The following ACMSD variants were observed in gnomAD, a reference collection of about 807,000 sequenced individuals.
ACMSD encodes the protein 2-amino-3-carboxymuconate-6-semialdehyde decarboxylase.
Under a neutral mutation model 45.9 loss-of-function variants are expected in ACMSD, and 37 were observed. That is an observed-to-expected ratio of 0.81 (90% CI 0.62 to 1.06). The LOEUF (loss-of-function observed/expected upper bound fraction) is 1.06, where lower values mean the gene tolerates loss of function less well. Ranked by LOEUF, ACMSD falls within the 50% of genes least tolerant of loss-of-function variation. The pLI is 0.00. For synonymous variants in ACMSD, 138 were observed against 148.8 expected (o/e 0.93, Z 0.53); for missense variants, 434 against 420.9 (o/e 1.03, Z -0.27).
rs770249173 is a variant in ACMSD at position 134,872,456 on chromosome 2, GT to G, written c.677-9del. 1 of 1,613,964 alleles carries G rather than the reference GT, an allele frequency of 6.2e-7. No individual in the cohort carries two copies. Among genetic ancestry groups the G allele is most frequent in the Non-Finnish European group, 8.5e-7 (1 of 1,180,010 alleles). ...ATCAACACTAGCCCCTCAGTAATGG[GT>G]TTTACTTGCAGGTGGTGCCTTCCCC... On this transcript the variant is annotated splice_polypyrimidine_tract_variant and intron_variant, in intron 7 of 9. Coordinates refer to ENST00000356140, the MANE Select transcript of ACMSD (RefSeq NM_138326.3).
intron 1 of ACMSD, among the ~76,000 whole-genome samples, chr2:134,840,157 C>A (rs1686716339): frequency 2.4e-5 from 1 of 42,136 alleles, no homozygotes; most frequent in Non-Finnish European, 3.9e-5. Flanking sequence ...TAGCCATAAA[C>A]TATACCTAGC....
intron 8 of ACMSD, among the ~76,000 whole-genome samples, chr2:134,873,813 G>C (rs1251098548): frequency 1.3e-5 from 2 of 152,158 alleles, no homozygotes; most frequent in African/African-American, 4.8e-5. Flanking sequence ...TGGTTTGGAT[G>C]GAGAGTGATG....
rs916242044 is a variant in ACMSD, at chr2:134,885,645, C to G, written c.850-12696C>G. On this transcript the variant is annotated intron_variant, in intron 8 of 9. Coordinates refer to ENST00000356140, the MANE Select transcript of ACMSD (RefSeq NM_138326.3). ...TGCTCAAAAGTCCAATTCAAAGAAT[C>G]CTTCTTACAAACACATTTTATAGAG... Among the ~76,000 whole-genome samples the G allele has an allele frequency of 2.0e-5, 3 of 150,686 alleles. No homozygotes were observed. The South Asian group carries it at 6.3e-4, about 31-fold the overall frequency.
Position 134,847,451 on chromosome 2 carries a change from TAGATAG to T in ACMSD, c.102+2188_102+2193del, listed in dbSNP as rs1281893764. Among the ~76,000 whole-genome samples, 446 of 143,954 alleles carry T rather than the reference TAGATAG, an allele frequency of 3.1e-3. 3 individuals are homozygous for T. The highest frequency in any genetic ancestry group is 0.011 in the Middle Eastern group (3 of 282). The allele number at this position is 143,954 out of a possible 152,430, so 94.4% of individuals were successfully genotyped here. ...AGATAGATAGATAGATAGATAGATATAGATAGAGATAGAGATAGATATATATACTTT... is the reference window on the plus strand; with the variant it reads ...AGATAGATAGATAGATAGATAGATATAGATAGAGATAGATATATATACTTT... On this transcript the variant is annotated intron_variant, in intron 2 of 9. Coordinates refer to ENST00000356140, the MANE Select transcript of ACMSD (RefSeq NM_138326.3).
intron 8 of ACMSD, among the ~76,000 whole-genome samples, chr2:134,893,325 A>G (rs1039840584): frequency 8.6e-5 from 13 of 151,478 alleles, no homozygotes; most frequent in African/African-American, 2.9e-4. Context: ...CAGCCTCCCA[A>G]GTAGCTAGGA....
At chr2:134,893,208 C>CTT (rs1689897939) in intron 8 of ACMSD, among the ~76,000 whole-genome samples, 1 of 120,244 alleles carries the variant, frequency 8.3e-6, no homozygotes. Context: ...TATCACACTG[C>CTT]ATTTTTTTTT....
At chr2:134,881,300 CCTTTT>C (rs1279382472) in intron 8 of ACMSD, among the ~76,000 whole-genome samples, 1 of 152,164 alleles carries the variant, frequency 6.6e-6, no homozygotes, top group Non-Finnish European at 1.5e-5. Flanking sequence ...TGCACCTGGC[CCTTTT>C]CTTTATTTTT....
intron 2 of ACMSD, among the ~76,000 whole-genome samples, chr2:134,848,435 G>C (rs571551986): frequency 3.0e-4 from 46 of 152,216 alleles, no homozygotes; most frequent in African/African-American, 1.1e-3. Context: ...ATCCTCTCCA[G>C]CATCTGTTGT....
chr2:134,895,338 A>ATATGTTATATATATATATATAAT (rs1553517011), intron 8 of ACMSD, among the ~76,000 whole-genome samples: 10 of 145,426 alleles, frequency 6.9e-5, no homozygotes, highest in Non-Finnish European at 7.5e-5. Context: ...TTATATATAT[A>ATATGTTATATATATATATATAAT]ATATATATAT....
chr2:134,898,001 G>C (rs999363738), intron 8 of ACMSD, among the ~76,000 whole-genome samples: 3 of 150,002 alleles, frequency 2.0e-5, no homozygotes, highest in African/African-American at 4.9e-5. Context: ...TTCTAAGAAA[G>C]ACAGAATCCC....
intron 8 of ACMSD, among the ~76,000 whole-genome samples, chr2:134,892,048 T>A (rs1689816110): frequency 6.6e-6 from 1 of 152,020 alleles, no homozygotes. Context: ...AGACATGAAG[T>A]ATGGAAAAAT....
intron 5 of ACMSD, 35 bp downstream of exon 5, chr2:134,863,666 C>T (rs1687956795): frequency 6.2e-7 from 1 of 1,607,654 alleles, no homozygotes; most frequent in African/African-American, 1.3e-5. Flanking sequence ...ACGCCAGCCG[C>T]CCAGTGCCTG....
chr2:134,878,850 A>G (rs184484262), intron 8 of ACMSD, among the ~76,000 whole-genome samples: 2 of 152,334 alleles, frequency 1.3e-5, no homozygotes, highest in Admixed American at 1.3e-4. Flanking sequence ...AATCTTATTA[A>G]GTTTCACATC....
Position 134,859,046 on chromosome 2 carries a change from T to C in ACMSD, c.103-215T>C, listed in dbSNP as rs535591258. 3.5e-4 allele frequency among the ~76,000 whole-genome samples: 53 copies of C among 150,080 alleles called. No individual in the cohort carries two copies. The South Asian group carries it at 8.7e-3, about 25-fold the overall frequency. ...ACCTTGCTATCTCTGTGTCCAGCCA[T>C]TGACGCCCACAGAGCACACCCCTTC... On this transcript the variant is annotated intron_variant, in intron 2 of 9. Coordinates refer to ENST00000356140, the MANE Select transcript of ACMSD (RefSeq NM_138326.3).
Position 134,898,426 on chromosome 2 carries a change from A to C in ACMSD, c.935A>C (p.Asp312Ala), listed in dbSNP as rs1690307004. ...GKLIESMEEF[D>A]EETKNKLKAG... is the part of the protein sequence containing the mutation. ...CTAATAGAGTCCATGGAAGAATTTG[A>C]TGAAGAAACAAAGGTATAATGTCTT... Residue 312 changes from aspartate to alanine, a missense_variant, in exon 9 of 10, where the codon GAT becomes GCT. Transcript: ENST00000356140. The C allele has an allele frequency of 6.3e-7, 1 of 1,595,228 alleles. No homozygotes were observed. The highest frequency in any genetic ancestry group is 8.5e-7 in the Non-Finnish European group (1 of 1,171,898).
chr2:134,871,411 G>C (rs530193645), intron 7 of ACMSD, among the ~76,000 whole-genome samples: 1 of 152,164 alleles, frequency 6.6e-6, no homozygotes, highest in Admixed American at 6.5e-5. Flanking sequence ...TATGAGTTTT[G>C]AAGGAATTCA....
At chr2:134,849,775 C>A (rs2104825560) in intron 2 of ACMSD, among the ~76,000 whole-genome samples, 1 of 152,244 alleles carries the variant, frequency 6.6e-6, no homozygotes, top group South Asian at 2.1e-4. Flanking sequence ...AAGTAGCAGG[C>A]CAGTCCTTGG....
chr2:134,858,473 ATGTAT>A (rs1309044407), intron 2 of ACMSD, among the ~76,000 whole-genome samples: 12 of 152,334 alleles, frequency 7.9e-5, no homozygotes, highest in Admixed American at 2.6e-4. Flanking sequence ...GTTAATAAAA[ATGTAT>A]TGTATACTTG....
At chr2:134,839,194 T>G (rs1219105124) in intron 1 of ACMSD, among the ~76,000 whole-genome samples, 1 of 152,212 alleles carries the variant, frequency 6.6e-6, no homozygotes, top group Non-Finnish European at 1.5e-5. Flanking sequence ...CACCAAGAGA[T>G]AGCTTTGTGA....
Sources: gnomAD v4.1 joint callset for allele counts (sites outside exome capture counted in the v4.1 genomes callset) on GRCh38, gnomAD v4.1.1 for gene constraint, MANE v1.5 for transcripts, NCBI Gene and HGNC (gene_info 2026-07-23, HGNC 2026-07-21) for gene names.